The following XIRP2 variants were observed in gnomAD, a reference collection of about 807,000 sequenced individuals.
XIRP2 encodes xin actin binding repeat containing 2, also known as xin actin-binding repeat-containing protein 2.
In XIRP2, 236 loss-of-function variants were observed where a neutral mutation model predicts 277.0. The observed-to-expected ratio is 0.85, with a 90% CI of 0.77 to 0.95. The LOEUF (loss-of-function observed/expected upper bound fraction) is 0.95, where lower values mean the gene tolerates loss of function less well. XIRP2 is among the 40% of genes least tolerant of loss of function. XIRP2 has a pLI of 0.00. For synonymous variants in XIRP2, 1,490 were observed against 1,416.5 expected (o/e 1.05, Z -1.17); for missense variants, 4,640 against 4,157.5 (o/e 1.12, Z -3.19).
chr2:167,083,435 T>A (rs1157753464), intron 2 of XIRP2, among the ~76,000 whole-genome samples: 1 of 152,210 alleles, frequency 6.6e-6, no homozygotes, highest in Non-Finnish European at 1.5e-5. Context: ...GGGCTCTTTT[T>A]CGGTTCCATA....
At chr2:166,941,373 C>T (rs1199050844) in intron 2 of XIRP2, among the ~76,000 whole-genome samples, 1 of 152,236 alleles carries the variant, frequency 6.6e-6, no homozygotes, top group Non-Finnish European at 1.5e-5. Context: ...AAAGGAAATT[C>T]CCTGACCCCT....
At chr2:166,907,667 G>C (rs984850977) in intron 2 of XIRP2, among the ~76,000 whole-genome samples, 7 of 151,562 alleles carry the variant, frequency 4.6e-5, no homozygotes, top group Non-Finnish European at 7.4e-5. Context: ...ACAACGTGCA[G>C]GTTTGTTACA....
intron 2 of XIRP2, among the ~76,000 whole-genome samples, chr2:167,121,921 C>A (rs959722784): frequency 6.6e-6 from 1 of 152,040 alleles, no homozygotes; most frequent in African/African-American, 2.4e-5. Context: ...AGGTGAGAAG[C>A]AAAGAGACAT....
Position 167,092,187 on chromosome 2 carries a change from C to T in XIRP2, c.409-43722C>T, listed in dbSNP as rs564463176. 1.1e-4 allele frequency among the ~76,000 whole-genome samples: 16 copies of T among 152,256 alleles called. No homozygotes were observed. In the South Asian group the frequency reaches 3.3e-3, roughly 32 times the overall value. On this transcript the variant is annotated intron_variant, in intron 2 of 10. Transcript: ENST00000409195. ...AAATTCCGAATTAGTTCATCTTTGTCATAGCCCATTCTATATATCACAATT... is the reference window on the plus strand; with the variant it reads ...AAATTCCGAATTAGTTCATCTTTGTTATAGCCCATTCTATATATCACAATT...
intron 2 of XIRP2, among the ~76,000 whole-genome samples, chr2:166,960,046 A>G (rs373210665): frequency 6.6e-6 from 1 of 151,802 alleles, no homozygotes; most frequent in Admixed American, 6.6e-5. Context: ...TAATTTAAGA[A>G]TATTTCACCG....
At chr2:166,902,136 G>T (rs1476587449) in intron 1 of XIRP2, among the ~76,000 whole-genome samples, 2 of 152,074 alleles carry the variant, frequency 1.3e-5, no homozygotes, top group African/African-American at 4.8e-5. Context: ...CTGAACTTCT[G>T]CTGTAAGTAT....
In XIRP2 at chr2:167,247,828, A is replaced by C; in HGVS notation, c.6436A>C (p.Lys2146Gln). Residue 2146 changes from lysine to glutamine, a missense_variant, in exon 9 of 11, where the codon AAG becomes CAG. Lys to Gln is a moderately conservative substitution (Grantham distance 53). Coordinates refer to ENST00000409195, the MANE Select transcript of XIRP2 (RefSeq NM_152381.6). ...GGGTTTTCATATAAAGAGTCCTAAA[A>C]AGACCAAAAATATTAAAATATTAAC... ...MEGFHIKSPK[K>Q]TKNIKILTDT... 6.2e-7 allele frequency: 1 copy of C among 1,613,498 alleles called. No individual in the cohort carries two copies. Among genetic ancestry groups the C allele is most frequent in the Non-Finnish European group, 8.5e-7 (1 of 1,179,696 alleles).
At chr2:167,200,623 T>C (rs1335243695) in intron 3 of XIRP2, among the ~76,000 whole-genome samples, 1 of 152,254 alleles carries the variant, frequency 6.6e-6, no homozygotes, top group Non-Finnish European at 1.5e-5. Flanking sequence ...TAAAACCTGT[T>C]ATATTTATCT....
At chr2:167,043,305 T>G (rs867518151) in intron 2 of XIRP2, among the ~76,000 whole-genome samples, 1 of 151,746 alleles carries the variant, frequency 6.6e-6, no homozygotes, top group Admixed American at 6.6e-5. Flanking sequence ...ATCTCAAAGG[T>G]AACAGGAGGA....
At chr2:167,201,881 A>G (rs995526293) in intron 3 of XIRP2, among the ~76,000 whole-genome samples, 1 of 152,180 alleles carries the variant, frequency 6.6e-6, no homozygotes, top group African/African-American at 2.4e-5. Flanking sequence ...GACTGTGTAG[A>G]GTTGAAAGTT....
Position 167,243,035 on chromosome 2 carries a change from A to G in XIRP2, c.1643A>G (p.Asn548Ser). ...DVQQARYVFE[N>S]TNDSSQKDLN... The stretch of plus-strand genomic sequence containing the variant: ...CAACAAGCCCGGTATGTTTTTGAAA[A>G]CACAAATGACAGTTCTCAAAAAGAT... Residue 548 changes from asparagine (N) to serine (S), a missense_variant, in exon 9 of 11, where the codon AAC (asparagine) becomes AGC (serine). By Grantham distance (46) the Asn-to-Ser change is conservative (BLOSUM62 1). Transcript: ENST00000409195. 1.2e-6 allele frequency: 2 copies of G among 1,614,062 alleles called. No individual in the cohort carries two copies. The highest frequency in any genetic ancestry group is 1.7e-6 in the Non-Finnish European group (2 of 1,179,980).
At chr2:167,154,149 C>T (rs1360631610) in intron 3 of XIRP2, among the ~76,000 whole-genome samples, 1 of 149,608 alleles carries the variant, frequency 6.7e-6, no homozygotes, top group Non-Finnish European at 1.5e-5. Flanking sequence ...TTGCATTTCT[C>T]TGATGGCCAG....
chr2:167,076,633 C>G (rs963057084), intron 2 of XIRP2, among the ~76,000 whole-genome samples: 1 of 152,098 alleles, frequency 6.6e-6, no homozygotes, highest in Admixed American at 6.5e-5. Flanking sequence ...TTTTGGCAGT[C>G]ATTTGTTAGA....
At chr2:167,234,014 T>C (rs1221672047) in intron 5 of XIRP2, among the ~76,000 whole-genome samples, 1 of 151,640 alleles carries the variant, frequency 6.6e-6, no homozygotes, top group Non-Finnish European at 1.5e-5. Flanking sequence ...GTGCATCTTT[T>C]ATATGTTCTT....
Position 167,250,709 on chromosome 2 carries a change from A to G in XIRP2, c.9317A>G (p.Asp3106Gly), listed in dbSNP as rs373833048. The G allele has an allele frequency of 7.4e-6, 12 of 1,613,666 alleles. No individual in the cohort carries two copies. In the African/African-American group the frequency reaches 1.1e-4, roughly 14 times the overall value. ...ACCCATCAGGAAATTAAACTTGATG[A>G]TAGCAACATTCCTCCTCCCTCTTTA... ...VKTHQEIKLDDSNIPPPSLKT... is the reference protein window; with the variant it reads ...VKTHQEIKLDGSNIPPPSLKT... Residue 3106 changes from aspartate to glycine, a missense_variant, in exon 9 of 11, where the codon GAT (aspartate) becomes GGT (glycine). Asp to Gly is a moderately conservative substitution (Grantham distance 94). Coordinates refer to ENST00000409195, the MANE Select transcript of XIRP2 (RefSeq NM_152381.6).
At chr2:167,176,325 G>C (rs1010428486) in intron 3 of XIRP2, among the ~76,000 whole-genome samples, 2 of 152,136 alleles carry the variant, frequency 1.3e-5, no homozygotes, top group Non-Finnish European at 1.5e-5. Flanking sequence ...CCCTCCGTGG[G>C]CTGCACCCAC....
At chr2:166,907,799 G>A (rs1684568937) in intron 2 of XIRP2, among the ~76,000 whole-genome samples, 1 of 121,360 alleles carries the variant, frequency 8.2e-6, no homozygotes. Flanking sequence ...AGTGTGTGAT[G>A]TTCCCCTTCC....
chr2:167,045,889 G>A (rs993855942), intron 2 of XIRP2, among the ~76,000 whole-genome samples: 12 of 151,884 alleles, frequency 7.9e-5, no homozygotes, highest in Non-Finnish European at 1.3e-4. Context: ...CAGAAATCCC[G>A]GCCGTTGCCC....
chr2:166,965,351 G>A (rs767030577), intron 2 of XIRP2, among the ~76,000 whole-genome samples: 3 of 151,710 alleles, frequency 2.0e-5, no homozygotes, highest in East Asian at 1.9e-4. Context: ...CTAGTGTGAC[G>A]TTTTCCTCCA....
Sources: gnomAD v4.1 joint callset for allele counts (sites outside exome capture counted in the v4.1 genomes callset) on GRCh38, gnomAD v4.1.1 for gene constraint, MANE v1.5 for transcripts, NCBI Gene and HGNC (gene_info 2026-07-23, HGNC 2026-07-21) for gene names.